The following KIAA0586 variants were observed in gnomAD, a reference collection of about 807,000 sequenced individuals.
KIAA0586 encodes KIAA0586, also known as protein TALPID3.
A neutral mutation model predicts 169.8 loss-of-function variants in KIAA0586; 144 were observed. The observed-to-expected ratio is 0.85, with a 90% CI of 0.74 to 0.97. The LOEUF is 0.97. KIAA0586 is among the 50% of genes least tolerant of loss of function. The probability of loss-of-function intolerance (pLI) is 0.00; values close to 1 mark genes in which losing one functional copy is unlikely to be tolerated. For missense variants in KIAA0586, 1,854 were observed against 1,823.0 expected (o/e 1.02, Z -0.31); for synonymous variants, 625 against 612.4 (o/e 1.02, Z -0.30).
Position 58,428,075 on chromosome 14 carries a change from T to G in KIAA0586, c.-190T>G. The G allele has an allele frequency of 6.9e-7, 1 of 1,447,288 alleles. No homozygotes were observed. The highest frequency in any genetic ancestry group is 1.5e-5 in the South Asian group (1 of 65,672). 89.7% of individuals were successfully genotyped at this position (1,447,288 alleles called of 1,614,324 possible). A position where few individuals can be genotyped will look rare whatever the true frequency, so the allele number is the denominator to read the frequency against. On this transcript the variant is annotated 5_prime_UTR_variant, in exon 1 of 31. It removes an upstream start codon present in the reference 5' UTR. Transcript: ENST00000652326. ...GTATTAATAGACTGAGTGGGATTAA[T>G]GGGTAAATATGACTTTATAGTCAGC...
intron 29 of KIAA0586, among the ~76,000 whole-genome samples, chr14:58,516,557 A>C (rs2044769522): frequency 6.6e-6 from 1 of 152,222 alleles, no homozygotes. Flanking sequence ...GGCAGAATTT[A>C]AAATGTCAGT....
chr14:58,555,292 C>T (rs867826048), downstream of KIAA0586, among the ~76,000 whole-genome samples: 1 of 151,524 alleles, frequency 6.6e-6, no homozygotes, highest in African/African-American at 2.4e-5. Flanking sequence ...GTAGAGACAG[C>T]GTTTCACCAT....
chr14:58,430,738 T>G, intron 3 of KIAA0586, 21 bp downstream of exon 3: 1 of 1,426,592 alleles, frequency 7.0e-7, no homozygotes, highest in Non-Finnish European at 9.8e-7. Flanking sequence ...AATATTGATT[T>G]TTTTAAATTG....
chr14:58,458,589 G>C, intron 12 of KIAA0586, 44 bp downstream of exon 12: 1 of 1,031,834 alleles, frequency 9.7e-7, no homozygotes. Flanking sequence ...ATTCTCAGAA[G>C]ATAATATTGA....
At chr14:58,439,291 A>G (rs1188033104) in intron 4 of KIAA0586, among the ~76,000 whole-genome samples, 1 of 151,934 alleles carries the variant, frequency 6.6e-6, no homozygotes, top group Non-Finnish European at 1.5e-5. Flanking sequence ...GGTTCACGCC[A>G]TTCTCCTTCC....
intron 21 of KIAA0586, among the ~76,000 whole-genome samples, chr14:58,483,234 T>C (rs2042157318): frequency 6.6e-6 from 1 of 151,786 alleles, no homozygotes; most frequent in South Asian, 2.1e-4. Context: ...AAACCAAATT[T>C]GTATGATTGG....
At chr14:58,507,889 A>T (rs566052191) in intron 27 of KIAA0586, among the ~76,000 whole-genome samples, 69 of 152,126 alleles carry the variant, frequency 4.5e-4, no homozygotes, top group Admixed American at 1.1e-3. Context: ...GGTTCAAGCG[A>T]TTCTCCTGCC....
At chr14:58,556,565 T>G in the KIAA0586 span, among the ~76,000 whole-genome samples, 1 of 152,158 alleles carries the variant, frequency 6.6e-6, no homozygotes, top group Non-Finnish European at 1.5e-5. Context: ...CCTTTCCTAG[T>G]CAATACACAC....
downstream of KIAA0586, among the ~76,000 whole-genome samples, chr14:58,554,111 GA>G (rs2047231657): frequency 6.6e-6 from 1 of 152,268 alleles, no homozygotes; most frequent in South Asian, 2.1e-4. Flanking sequence ...GTTGATCTGA[GA>G]GTGCCTATGA....
chr14:58,461,072 C>A lies in KIAA0586; in HGVS notation c.1971C>A (p.Ser657Arg). 1 of 1,611,400 alleles carries A rather than the reference C, an allele frequency of 6.2e-7. No homozygotes were observed. The highest frequency in any genetic ancestry group is 8.5e-7 in the Non-Finnish European group (1 of 1,178,436). ...YGKPVYQGHR[S>R]TLKKGPYLRF... Reference sequence around the variant, plus strand: ...AGCCAGTTTATCAGGGCCATCGAAGCACTCTTAAAAAAGGACCATATCTCA... The same window carrying A: ...AGCCAGTTTATCAGGGCCATCGAAGAACTCTTAAAAAAGGACCATATCTCA... Residue 657 changes from serine (S) to arginine (R), a missense_variant, in exon 14 of 31, where the codon AGC (serine) becomes AGA (arginine). Physicochemically the swap from Ser to Arg is moderately radical, Grantham distance 110 (BLOSUM62 -1). Transcript: ENST00000652326.
At chr14:58,457,219 C>T (rs1348169661) in intron 10 of KIAA0586, among the ~76,000 whole-genome samples, 1 of 152,182 alleles carries the variant, frequency 6.6e-6, no homozygotes, top group African/African-American at 2.4e-5. Flanking sequence ...GACTGCTTAG[C>T]ACTGCTATGG....
At chr14:58,491,472 A>C (rs143488755) in intron 25 of KIAA0586, among the ~76,000 whole-genome samples, 87 of 152,354 alleles carry the variant, frequency 5.7e-4, no homozygotes, top group Middle Eastern at 6.8e-3. Flanking sequence ...ATAAATACAA[A>C]TACTTTCAAT....
intron 30 of KIAA0586, among the ~76,000 whole-genome samples, chr14:58,540,946 A>G (rs1853827916): frequency 6.6e-6 from 1 of 152,256 alleles, no homozygotes; most frequent in Non-Finnish European, 1.5e-5. Context: ...GGAGAATTGA[A>G]TACAGCAGGA....
chr14:58,483,758 CTG>C (rs1168878726), intron 21 of KIAA0586, among the ~76,000 whole-genome samples: 2 of 152,162 alleles, frequency 1.3e-5, no homozygotes, highest in South Asian at 4.1e-4. Context: ...AAAATTTACT[CTG>C]TATTACCAGC....
intron 29 of KIAA0586, among the ~76,000 whole-genome samples, chr14:58,522,605 C>G (rs1439535190): frequency 2.0e-5 from 3 of 151,918 alleles, no homozygotes. Context: ...ATGTTTGGGA[C>G]CTTTTTTCCT....
downstream of KIAA0586, among the ~76,000 whole-genome samples, chr14:58,555,927 A>G (rs1310909851): frequency 2.0e-5 from 3 of 151,484 alleles, no homozygotes; most frequent in Non-Finnish European, 4.4e-5. Flanking sequence ...CTTGTTTAGC[A>G]TTTGAGCTAG....
At chr14:58,546,002 C>T (rs545957683) in intron 30 of KIAA0586, among the ~76,000 whole-genome samples, 1 of 152,130 alleles carries the variant, frequency 6.6e-6, no homozygotes, top group Non-Finnish European at 1.5e-5. Flanking sequence ...CCACTGCACT[C>T]CAGCCTAGGT....
intron 2 of KIAA0586, 31 bp downstream of exon 2, chr14:58,429,464 G>A (rs1244686361): frequency 2.4e-6 from 3 of 1,261,986 alleles, no homozygotes; most frequent in African/African-American, 1.5e-5. Context: ...TTATGCTCAC[G>A]TTAAAATTTT....
chr14:58,479,582 A>T (rs1798501337), intron 20 of KIAA0586, among the ~76,000 whole-genome samples: 1 of 152,108 alleles, frequency 6.6e-6, no homozygotes, highest in Admixed American at 6.6e-5. Flanking sequence ...TGCTGCTTTT[A>T]AAAAAATCTT....
Sources: gnomAD v4.1 joint callset for allele counts (sites outside exome capture counted in the v4.1 genomes callset) on GRCh38, gnomAD v4.1.1 for gene constraint, MANE v1.5 for transcripts, NCBI Gene and HGNC (gene_info 2026-07-23, HGNC 2026-07-21) for gene names.